The following UBE3D variants were observed in gnomAD, a reference collection of about 807,000 sequenced individuals.
UBE3D encodes ubiquitin protein ligase E3D.
A neutral mutation model predicts 49.6 loss-of-function variants in UBE3D; 48 were observed. That is an observed-to-expected ratio of 0.97 (90% confidence interval 0.77 to 1.23). The LOEUF is 1.23. Among genes scored for constraint, UBE3D ranks in the 50% most tolerant of loss-of-function variants. The pLI is 0.00. For missense variants in UBE3D, 452 were observed against 468.4 expected (o/e 0.96, Z 0.32); for synonymous variants, 189 against 174.2 (o/e 1.08, Z -0.67).
chr6:83,038,482 G>C lies in UBE3D; in HGVS notation c.601C>G (p.Pro201Ala), dbSNP rs781332051. The change falls in exon 5 of 10, where the codon CCA becomes GCA. Residue 201 changes from proline to alanine, a missense_variant. Coordinates refer to ENST00000369747, the MANE Select transcript of UBE3D (RefSeq NM_198920.3). The stretch of plus-strand genomic sequence containing the variant: ...CAAATTACTTTGGTATTTGCCTTTG[G>C]TTCCTGTAGAACAGAAAAATGTCAT... ...VSSDNHCKLE[P>A]KANTKVICKR... 2.2e-5 allele frequency: 35 copies of C among 1,607,480 alleles called. No homozygotes were observed. Among genetic ancestry groups the C allele is most frequent in the Non-Finnish European group, 2.5e-6 (3 of 1,178,312 alleles).
chr6:82,984,512 C>T (rs191261810), intron 8 of UBE3D, among the ~76,000 whole-genome samples: 260 of 152,202 alleles, frequency 1.7e-3, no homozygotes, highest in African/African-American at 6.0e-3. Flanking sequence ...TGTATATCTA[C>T]CAAAGTATGA....
At chr6:82,990,666 T>C (rs12210375) in intron 8 of UBE3D, among the ~76,000 whole-genome samples, 14,754 of 152,226 alleles carry the variant, frequency 0.097, 820 homozygotes, top group Non-Finnish European at 0.13. Context: ...CCCTATCTTA[T>C]GTAAAGTGCT....
chr6:83,052,519 G>A (rs926567816), intron 3 of UBE3D, among the ~76,000 whole-genome samples: 11 of 152,120 alleles, frequency 7.2e-5, no homozygotes, highest in Non-Finnish European at 7.3e-5. Context: ...GACAGAGTGT[G>A]GGGTGCATTC....
intron 4 of UBE3D, among the ~76,000 whole-genome samples, chr6:83,039,849 C>T (rs1562216537): frequency 6.6e-6 from 1 of 152,036 alleles, no homozygotes; most frequent in Non-Finnish European, 1.5e-5. Context: ...ACCATCTTGG[C>T]CAGGCTGGTC....
downstream of UBE3D, among the ~76,000 whole-genome samples, chr6:82,888,134 T>C (rs1231605372): frequency 6.6e-6 from 1 of 152,102 alleles, no homozygotes; most frequent in Admixed American, 6.5e-5. Context: ...AGTTTCAATC[T>C]GCAGAAAGCC....
At position 82,909,246 on chromosome 6, in the gene UBE3D, C is replaced by T. The variant is rs549760726; in HGVS notation, c.1150-16204G>A. On this transcript the variant is annotated intron_variant, in intron 9 of 9. Transcript: ENST00000369747. Reference sequence around the variant, plus strand: ...GCTGTGAACTAGTAGTTTAGGGTACCGGTACTATTAACTCTGATGTTTGCA... The same window carrying T: ...GCTGTGAACTAGTAGTTTAGGGTACTGGTACTATTAACTCTGATGTTTGCA... Among the ~76,000 whole-genome samples, 4 of 152,154 alleles carry T rather than the reference C, an allele frequency of 2.6e-5. No homozygotes were observed. The South Asian group carries it at 6.2e-4, about 24-fold the overall frequency.
At chr6:82,921,289 A>C (rs565180303) in intron 9 of UBE3D, among the ~76,000 whole-genome samples, 45 of 152,282 alleles carry the variant, frequency 3.0e-4, no homozygotes, top group African/African-American at 9.1e-4. Flanking sequence ...TAGCTGAGCT[A>C]TCAGGAGAAT....
intron 8 of UBE3D, among the ~76,000 whole-genome samples, chr6:82,993,304 G>C (rs753652282): frequency 6.6e-6 from 1 of 151,826 alleles, no homozygotes; most frequent in African/African-American, 2.4e-5. Flanking sequence ...CCTCTTGCAC[G>C]ACTGTACCCA....
intron 5 of UBE3D, among the ~76,000 whole-genome samples, chr6:83,031,664 T>C (rs546688015): frequency 2.6e-5 from 4 of 152,306 alleles, no homozygotes; most frequent in South Asian, 2.1e-4. Flanking sequence ...AGGAACCAAA[T>C]GTAAATCACT....
chr6:83,061,624 G>A (rs1479053330), intron 1 of UBE3D, among the ~76,000 whole-genome samples: 1 of 152,142 alleles, frequency 6.6e-6, no homozygotes, highest in Non-Finnish European at 1.5e-5. Flanking sequence ...GGTATAGCAG[G>A]CCCTGCTGCT....
At chr6:82,948,771 A>AC (rs967479285) in intron 9 of UBE3D, among the ~76,000 whole-genome samples, 13 of 152,040 alleles carry the variant, frequency 8.6e-5, no homozygotes, top group African/African-American at 2.9e-4. Flanking sequence ...AACCACATAA[A>AC]CATTTCAATT....
intron 8 of UBE3D, among the ~76,000 whole-genome samples, chr6:83,004,426 T>G (rs1406564046): frequency 2.0e-5 from 3 of 152,194 alleles, no homozygotes; most frequent in Non-Finnish European, 4.4e-5. Context: ...GTTATTTCTC[T>G]TTTTTGTACT....
chr6:82,911,527 A>T (rs1477411019), intron 9 of UBE3D, among the ~76,000 whole-genome samples: 1 of 152,230 alleles, frequency 6.6e-6, no homozygotes, highest in Non-Finnish European at 1.5e-5. Flanking sequence ...GCTAGGCAAT[A>T]TATAGTCACA....
intron 9 of UBE3D, among the ~76,000 whole-genome samples, chr6:82,924,084 C>T (rs1353811538): frequency 6.7e-6 from 1 of 148,994 alleles, no homozygotes; most frequent in Non-Finnish European, 1.5e-5. Flanking sequence ...GCACAAGCAG[C>T]GTATAAATAA....
At chr6:82,969,226 TGGGGGTG>T (rs1777167406) in intron 8 of UBE3D, among the ~76,000 whole-genome samples, 2 of 2,064 alleles carry the variant, frequency 9.7e-4, no homozygotes, top group African/African-American at 4.0e-3. Flanking sequence ...AGGGCAGGGG[TGGGGGTG>T]GGGGTGGGGT....
intron 1 of UBE3D, among the ~76,000 whole-genome samples, chr6:83,061,156 G>A (rs1457963819): frequency 6.6e-6 from 1 of 152,108 alleles, no homozygotes; most frequent in Non-Finnish European, 1.5e-5. Flanking sequence ...ATCTTGTCTT[G>A]AAGAAACATA....
intron 8 of UBE3D, among the ~76,000 whole-genome samples, chr6:82,968,042 G>A (rs533810083): frequency 6.6e-6 from 1 of 152,054 alleles, no homozygotes; most frequent in Non-Finnish European, 1.5e-5. Flanking sequence ...TCAGTTTGGG[G>A]CTATTATAAA....
chr6:82,970,318 T>C (rs184305694), intron 8 of UBE3D, among the ~76,000 whole-genome samples: 3 of 151,840 alleles, frequency 2.0e-5, no homozygotes, highest in Non-Finnish European at 4.4e-5. Flanking sequence ...TCTAAAAAAC[T>C]ACCACAAACA....
At chr6:82,991,006 G>A (rs1356537736) in intron 8 of UBE3D, among the ~76,000 whole-genome samples, 1 of 152,164 alleles carries the variant, frequency 6.6e-6, no homozygotes, top group African/African-American at 2.4e-5. Flanking sequence ...CAGGCCGGAT[G>A]GGGGATAGGG....
Sources: allele counts gnomAD v4.1 joint callset (sites outside exome capture counted in the v4.1 genomes callset), GRCh38; gene constraint gnomAD v4.1.1; transcripts MANE v1.5; gene names NCBI Gene and HGNC (gene_info 2026-07-23, HGNC 2026-07-21).